The following EP300 variants were observed in gnomAD, a reference collection of about 807,000 sequenced individuals.
The protein encoded by EP300 is histone acetyltransferase p300.
EP300 carries 31 observed loss-of-function variants against 264.0 expected under a neutral mutation model. That is an observed-to-expected ratio of 0.12 (90% confidence interval 0.09 to 0.16). The LOEUF (loss-of-function observed/expected upper bound fraction) is 0.16, where lower values mean the gene tolerates loss of function less well. Among genes scored for constraint, EP300 ranks in the 10% least tolerant of loss-of-function variants. EP300 has a pLI of 1.00. For synonymous variants in EP300, 1,340 were observed against 1,045.4 expected (o/e 1.28, Z -5.44); for missense variants, 2,766 against 3,052.9 (o/e 0.91, Z 2.21).
chr22:41,105,909 T>G (rs1351464617), intron 1 of EP300, among the ~76,000 whole-genome samples: 1 of 152,234 alleles, frequency 6.6e-6, no homozygotes, highest in Admixed American at 6.5e-5. Context: ...TATCCAAATT[T>G]GTATAAAACT....
At position 41,152,199 on chromosome 22, in the gene EP300, CT is replaced by C. The variant is rs528974321; in HGVS notation, c.2998-3del. On this transcript the variant is annotated splice_region_variant and splice_polypyrimidine_tract_variant and intron_variant, in intron 15 of 30. Coordinates refer to ENST00000263253, the MANE Select transcript of EP300 (RefSeq NM_001429.4). ...GGAATACTAAAAATTCTTACGTTTTCTTTTAGTCTAAAGTGGAAGACTGTAA... is the reference window on the plus strand; with the variant it reads ...GGAATACTAAAAATTCTTACGTTTTCTTTAGTCTAAAGTGGAAGACTGTAA... 7.9e-5 allele frequency: 127 copies of C among 1,613,796 alleles called. 1 individual carries two copies. In the South Asian group the frequency reaches 1.3e-3, roughly 16 times the overall value.
chr22:41,127,966 T>C (rs951382518), intron 4 of EP300, among the ~76,000 whole-genome samples: 1 of 152,154 alleles, frequency 6.6e-6, no homozygotes, highest in Admixed American at 6.5e-5. Context: ...ATGGGGAGGA[T>C]TGCTTGAGGC....
chr22:41,128,382 C>T (rs1179636039), intron 4 of EP300, among the ~76,000 whole-genome samples: 5 of 151,864 alleles, frequency 3.3e-5, no homozygotes, highest in African/African-American at 9.7e-5. Flanking sequence ...ATGGCTTGAG[C>T]CCAAGAGGGC....
intron 14 of EP300, 65 bp from the exon 15 acceptor site, chr22:41,151,768 A>G: frequency 2.0e-6 from 3 of 1,523,564 alleles, no homozygotes; most frequent in South Asian, 2.3e-5. Context: ...CTTACCTTAC[A>G]TTCTGATTGT....
At chr22:41,120,509 A>C (rs2058846204) in intron 2 of EP300, among the ~76,000 whole-genome samples, 1 of 152,168 alleles carries the variant, frequency 6.6e-6, no homozygotes, top group Non-Finnish European at 1.5e-5. Context: ...GATGACTGTA[A>C]CCCTGTTGGC....
chr22:41,171,406 C>T (rs972893018), intron 27 of EP300, among the ~76,000 whole-genome samples: 43 of 152,086 alleles, frequency 2.8e-4, no homozygotes, highest in Non-Finnish European at 4.7e-4. Context: ...GCATGATACC[C>T]GCTCATTGCA....
chr22:41,142,273 C>T (rs1430711489), intron 10 of EP300, among the ~76,000 whole-genome samples: 2 of 152,244 alleles, frequency 1.3e-5, no homozygotes, highest in East Asian at 1.9e-4. Flanking sequence ...AAACCTCATA[C>T]GATCAGTAGA....
At position 41,176,392 on chromosome 22, in the gene EP300, C is replaced by G. The variant is rs2145513113; in HGVS notation, c.4925C>G (p.Ser1642Cys). ...TLARDKHLEF[S>C]SLRRAQWSTM... ...GCAAGGGACAAGCACCTGGAGTTCT[C>G]TTCACTCCGAAGAGCCCAGTGGTCC... The change falls in exon 30 of 31, where the codon TCT becomes TGT. Residue 1642 changes from serine to cysteine, a missense_variant. Ser to Cys is a moderately radical substitution (Grantham distance 112). Coordinates refer to ENST00000263253, the MANE Select transcript of EP300 (RefSeq NM_001429.4). 1 of 1,614,248 alleles carries G rather than the reference C, an allele frequency of 6.2e-7. No homozygotes were observed. Among genetic ancestry groups the G allele is most frequent in the Non-Finnish European group, 8.5e-7 (1 of 1,180,048 alleles).
chr22:41,162,897 C>CATA, intron 21 of EP300, 118 bp downstream of exon 21: 1 of 826,446 alleles, frequency 1.2e-6, no homozygotes, highest in South Asian at 1.4e-5. Context: ...ATCTACATAA[C>CATA]ATACATCTAA....
intron 1 of EP300, among the ~76,000 whole-genome samples, chr22:41,114,882 C>T (rs2058812764): frequency 6.6e-6 from 1 of 150,632 alleles, no homozygotes; most frequent in South Asian, 2.1e-4. Flanking sequence ...TACTTAGGAA[C>T]TAAGATTAAT....
chr22:41,096,612 CTTTTT>C (rs749353769), intron 1 of EP300, among the ~76,000 whole-genome samples: 2 of 104,474 alleles, frequency 1.9e-5, no homozygotes, highest in Non-Finnish European at 3.8e-5. Flanking sequence ...GTCAGCTCTA[CTTTTT>C]TTTTTTTTTT....
chr22:41,129,874 GTTTTC>G lies in EP300; in HGVS notation c.1169-13_1169-9del, dbSNP rs755015704. 1.9e-6 allele frequency: 3 copies of G among 1,600,592 alleles called. No individual in the cohort carries two copies. In the East Asian group the frequency reaches 6.7e-5, roughly 36 times the overall value. ...CATTAACCTGCTCTTGAAAAAATAT[GTTTTC>G]TTCTCTTTAGTGGCACACTGTGCAT... On this transcript the variant is annotated splice_polypyrimidine_tract_variant and intron_variant, in intron 4 of 30. Coordinates refer to ENST00000263253, the MANE Select transcript of EP300 (RefSeq NM_001429.4).
At chr22:41,106,577 G>A (rs1453313197) in intron 1 of EP300, among the ~76,000 whole-genome samples, 3 of 152,064 alleles carry the variant, frequency 2.0e-5, no homozygotes, top group Non-Finnish European at 2.9e-5. Flanking sequence ...CTCAACCACT[G>A]GGTTAGATGA....
chr22:41,160,177 G>A (rs2059099777), intron 19 of EP300: 1 of 179,414 alleles, frequency 5.6e-6, no homozygotes, highest in Admixed American at 5.5e-5. Flanking sequence ...GTTAATTGCT[G>A]AAATGAAAGG....
At chr22:41,107,757 T>C (rs2058765704) in intron 1 of EP300, among the ~76,000 whole-genome samples, 2 of 152,152 alleles carry the variant, frequency 1.3e-5, no homozygotes, top group Non-Finnish European at 2.9e-5. Flanking sequence ...CTGGAGTGCA[T>C]TGGTGCAGTC....
Position 41,179,964 on chromosome 22 carries a change from G to C in EP300, c.*1008G>C, listed in dbSNP as rs957550000. The C allele has an allele frequency of 9.0e-6, 2 of 223,036 alleles. No homozygotes were observed. The highest frequency in any genetic ancestry group is 1.3e-3 in the Middle Eastern group (1 of 762). The allele number at this position is 223,036 out of a possible 1,614,324, so 13.8% of individuals were successfully genotyped here. On this transcript the variant is annotated 3_prime_UTR_variant, in exon 31 of 31. Transcript: ENST00000263253. ...AAAATAGCAAAAACCCTCAACTGTT[G>C]TAAATCATGCAATTAAAGTTGATTA...
At chr22:41,165,860 C>G (rs186031969) in intron 22 of EP300, among the ~76,000 whole-genome samples, 48 of 152,300 alleles carry the variant, frequency 3.2e-4, no homozygotes, top group Non-Finnish European at 5.9e-4. Context: ...ACCTCCACCT[C>G]CTGGGTTCAG....
At chr22:41,106,322 A>T (rs1031098618) in intron 1 of EP300, among the ~76,000 whole-genome samples, 1 of 152,206 alleles carries the variant, frequency 6.6e-6, no homozygotes, top group Non-Finnish European at 1.5e-5. Flanking sequence ...CATTATCAGA[A>T]TTAGAATGAC....
intron 1 of EP300, among the ~76,000 whole-genome samples, chr22:41,104,265 ATAAT>A (rs1180227465): frequency 6.6e-6 from 1 of 151,984 alleles, no homozygotes; most frequent in Non-Finnish European, 1.5e-5. Context: ...ATTTTAATAA[ATAAT>A]AGTGTCTTCA....
Sources: allele counts gnomAD v4.1 joint callset (sites outside exome capture counted in the v4.1 genomes callset), GRCh38; gene constraint gnomAD v4.1.1; transcripts MANE v1.5; gene names NCBI Gene and HGNC (gene_info 2026-07-23, HGNC 2026-07-21).